Variants in HMCN2 observed in about 807,000 individuals in gnomAD.
HMCN2 encodes hemicentin-2.
Under a neutral mutation model 377.5 loss-of-function variants are expected in HMCN2, and 325 were observed. The observed-to-expected ratio is 0.86, with a 90% CI of 0.79 to 0.94. The LOEUF is 0.94. Among genes scored for constraint, HMCN2 ranks in the 40% least tolerant of loss-of-function variants. The pLI, the probability that HMCN2 is intolerant of heterozygous loss-of-function variation, is 0.00. For synonymous variants in HMCN2, 2,007 were observed against 2,046.8 expected (o/e 0.98, Z 0.53); for missense variants, 4,543 against 4,725.3 (o/e 0.96, Z 1.13).
chr9:130,385,025 CAGTGGAGCCTGTTTCAA>C (rs1841944789), intron 59 of HMCN2, among the ~76,000 whole-genome samples: 1 of 152,170 alleles, frequency 6.6e-6, no homozygotes, highest in East Asian at 1.9e-4. Context: ...GCCTGTTTCA[CAGTGGAGCCTGTTTCAA>C]GGCTCGTGGT....
chr9:130,268,992 TC>T (rs1327008648), intron 1 of HMCN2, among the ~76,000 whole-genome samples: 9 of 148,636 alleles, frequency 6.1e-5, no homozygotes, highest in African/African-American at 2.2e-4. Flanking sequence ...GCAAATAGAA[TC>T]CCCTTTGGTG....
intron 97 of HMCN2, 63 bp from the exon 98 acceptor site, chr9:130,433,285 G>A: frequency 7.7e-7 from 1 of 1,299,498 alleles, no homozygotes; most frequent in Non-Finnish European, 1.0e-6. Context: ...TGAGTTACGC[G>A]GATGGGCCAC....
chr9:130,365,523 C>T, intron 41 of HMCN2, 108 bp from the exon 42 acceptor site: 2 of 429,128 alleles, frequency 4.7e-6, no homozygotes, highest in Non-Finnish European at 6.2e-6. Flanking sequence ...AAGTGGGCAG[C>T]TTGGGGGCTC....
At chr9:130,392,735 C>A (rs192782778) in intron 66 of HMCN2, among the ~76,000 whole-genome samples, 1 of 142,222 alleles carries the variant, frequency 7.0e-6, no homozygotes, top group African/African-American at 2.7e-5. Context: ...CGGTGGCTCA[C>A]GCCTGTAATC....
At chr9:130,345,291 G>A (rs1453423209) in intron 25 of HMCN2, among the ~76,000 whole-genome samples, 4 of 146,246 alleles carry the variant, frequency 2.7e-5, no homozygotes, top group African/African-American at 7.7e-5. Context: ...TGGTGTGTAC[G>A]TGGTGTGTGG....
Position 130,352,195 on chromosome 9 carries a change from T to G in HMCN2, c.4585+618T>G, listed in dbSNP as rs757208513. 2.8e-4 allele frequency among the ~76,000 whole-genome samples: 42 copies of G among 152,252 alleles called. 1 individual carries two copies. Among genetic ancestry groups the G allele is most frequent in the Admixed American group, 5.2e-4 (8 of 15,288 alleles). ...ACACTTCCTTACACTGAAACACATT[T>G]ATTTAAATATCCCTTATTCTTATAA... is the stretch of plus-strand genomic sequence containing the variant. On this transcript the variant is annotated intron_variant, in intron 30 of 97. Coordinates refer to ENST00000683500, the MANE Select transcript of HMCN2 (RefSeq NM_001291815.2).
rs546532211 is a variant in HMCN2, at chr9:130,278,134, T to G, written c.260-6469T>G. On this transcript the variant is annotated intron_variant, in intron 1 of 97. Transcript: ENST00000683500. ...TTTGTTTGTTTGGTTGGTTGGTTGG[T>G]TTTTTTTTGAGACGCAGTCTCGCTC... 6.0e-5 allele frequency among the ~76,000 whole-genome samples: 9 copies of G among 149,590 alleles called. 1 individual carries two copies. The highest frequency in any genetic ancestry group is 4.6e-4 in the Admixed American group (7 of 15,096).
At chr9:130,275,238 G>T (rs1046171209) in intron 1 of HMCN2, among the ~76,000 whole-genome samples, 2 of 152,104 alleles carry the variant, frequency 1.3e-5, no homozygotes, top group African/African-American at 2.4e-5. Context: ...TTCTCCCTGG[G>T]TGTCTCTGGG....
chr9:130,287,462 T>G (rs1281721561), intron 4 of HMCN2, among the ~76,000 whole-genome samples: 2 of 149,150 alleles, frequency 1.3e-5, no homozygotes, highest in African/African-American at 5.0e-5. Context: ...TTAAGTCTCC[T>G]ATTGCTTGAA....
chr9:130,304,967 G>A lies in HMCN2; in HGVS notation c.1781G>A (p.Gly594Glu), dbSNP rs1554936160. 4.2e-6 allele frequency: 2 copies of A among 471,026 alleles called. No individual in the cohort carries two copies. Among genetic ancestry groups the A allele is most frequent in the Non-Finnish European group, 8.8e-6 (2 of 226,994 alleles). 29.2% of individuals were successfully genotyped at this position (471,026 alleles called of 1,614,324 possible). A position where few individuals can be genotyped will look rare whatever the true frequency, so the allele number is the denominator to read the frequency against. The part of the protein sequence containing the change: ...RYQCVASNAN[G>E]VTRASVWLLV... ...CAGTGTGTGGCCAGCAATGCCAATG[G>A]GGTCACAAGGGCATCCGTCTGGCTC... Residue 594 changes from glycine (G) to glutamate (E), a missense_variant, in exon 11 of 98, where the codon GGG becomes GAG. By Grantham distance (98) the Gly-to-Glu change is moderately conservative (BLOSUM62 -2). This residue lies in a region of HMCN2 where 547 missense variants were observed against 189.9 expected (regional missense o/e 2.88). Coordinates refer to ENST00000683500, the MANE Select transcript of HMCN2 (RefSeq NM_001291815.2). The surrounding 1 kb of genome is among the most constrained non-coding windows in gnomAD (Gnocchi z 4.3).
In HMCN2 at chr9:130,394,666, G is replaced by A; in HGVS notation, c.10692+91G>A. 9.4e-7 allele frequency: 1 copy of A among 1,067,430 alleles called. No homozygotes were observed. The highest frequency in any genetic ancestry group is 1.2e-6 in the Non-Finnish European group (1 of 818,434). The allele number at this position is 1,067,430 out of a possible 1,614,324, so 66.1% of individuals were successfully genotyped here. ...CCAGACCCAGTGGGCAGTTGACAAA[G>A]TTGGGCTGAAGCACCTCCTCTGTGT... On this transcript the variant is annotated intron_variant, in intron 69 of 97. Coordinates refer to ENST00000683500, the MANE Select transcript of HMCN2 (RefSeq NM_001291815.2). The surrounding 1 kb of genome is among the most constrained non-coding windows in gnomAD (Gnocchi z 5.1).
intron 25 of HMCN2, among the ~76,000 whole-genome samples, chr9:130,343,501 G>A (rs1490529168): frequency 1.3e-5 from 2 of 152,212 alleles, no homozygotes; most frequent in African/African-American, 4.8e-5. Context: ...ATCCCCAGGT[G>A]CAGAGCTGCC....
chr9:130,336,803 A>C (rs1250433734), intron 22 of HMCN2, among the ~76,000 whole-genome samples: 1 of 152,138 alleles, frequency 6.6e-6, no homozygotes, highest in Non-Finnish European at 1.5e-5. Context: ...TAATGACTGC[A>C]TGGCCCGCGC....
Position 130,425,067 on chromosome 9 carries a change from C to G in HMCN2, c.13578C>G (p.Leu4526=). Residue 4526 remains leucine, a synonymous_variant, in exon 89 of 98, where the codon CTC becomes CTG. Coordinates refer to ENST00000683500, the MANE Select transcript of HMCN2 (RefSeq NM_001291815.2). ...GTCTGGATCCCGATGGCCTCCTGCTCCTCGACGTGGTGGTCAATGGCGTTG... is the reference window on the plus strand; with the variant it reads ...GTCTGGATCCCGATGGCCTCCTGCTGCTCGACGTGGTGGTCAATGGCGTTG... ...ARGLDPDGLL[L]LDVVVNGVVP... is the part of the protein sequence containing the mutation. 15 of 1,550,202 alleles carry G rather than the reference C, an allele frequency of 9.7e-6. No homozygotes were observed. The highest frequency in any genetic ancestry group is 1.3e-5 in the Non-Finnish European group (15 of 1,146,890).
chr9:130,284,568 C>T, intron 1 of HMCN2, 35 bp from the exon 2 acceptor site: 1 of 471,042 alleles, frequency 2.1e-6, no homozygotes, highest in Middle Eastern at 3.2e-4. Context: ...CTAGGAGTCC[C>T]AGCCCATCTG....
intron 4 of HMCN2, among the ~76,000 whole-genome samples, chr9:130,292,091 G>A (rs1026270886): frequency 6.0e-5 from 9 of 151,108 alleles, no homozygotes; most frequent in African/African-American, 2.2e-4. Flanking sequence ...GATGAAGGCT[G>A]AACTTTTTGG....
chr9:130,334,043 G>A (rs1434864359), intron 22 of HMCN2, among the ~76,000 whole-genome samples: 1 of 152,348 alleles, frequency 6.6e-6, no homozygotes, highest in Non-Finnish European at 1.5e-5. Flanking sequence ...CCAGCCTGGG[G>A]CATCAAGTCA....
chr9:130,315,395 T>C lies in HMCN2; in HGVS notation c.2351-4100T>C, dbSNP rs1405738863. On this transcript the variant is annotated intron_variant, in intron 15 of 97. Coordinates refer to ENST00000683500, the MANE Select transcript of HMCN2 (RefSeq NM_001291815.2). ...CTCCCCTCCCTTCCTTTCCTTCCCC[T>C]CTCTTCCCTCTGTCCCTATGCACCA... 9.0e-5 allele frequency among the ~76,000 whole-genome samples: 7 copies of C among 77,634 alleles called. No homozygotes were observed. In the East Asian group the frequency reaches 1.9e-3, roughly 21 times the overall value. The allele number at this position is 77,634 out of a possible 152,430, so 50.9% of individuals were successfully genotyped here. A position where few individuals can be genotyped will look rare whatever the true frequency, so the allele number is the denominator to read the frequency against.
Position 130,430,466 on chromosome 9 carries a change from TG to T in HMCN2, c.14511del (p.Trp4837CysfsTer26). 6.4e-7 allele frequency: 1 copy of T among 1,550,576 alleles called. No homozygotes were observed. Among genetic ancestry groups the T allele is most frequent in the Non-Finnish European group, 8.7e-7 (1 of 1,146,972 alleles). ...CAGCCACCGAGGCCCTCTATTGCCC[TG>T]GCTGCGGCCCTGGGCCTCGATCCCC... ...TVSHRGPLLPWLRPWASIPGT... is the reference protein window; with the variant it reads ...TVSHRGPLLPXLRPWASIPGT... On this transcript the variant is annotated frameshift_variant, in exon 95 of 98. Coordinates refer to ENST00000683500, the MANE Select transcript of HMCN2 (RefSeq NM_001291815.2). LOFTEE classifies it high-confidence loss of function.
Sources: gnomAD v4.1 joint callset for allele counts (sites outside exome capture counted in the v4.1 genomes callset) on GRCh38, gnomAD v4.1.1 for gene constraint, gnomAD v4.1.1 regional missense constraint, Gnocchi (gnomAD v3.1) non-coding constraint, MANE v1.5 for transcripts, NCBI Gene and HGNC (gene_info 2026-07-23, HGNC 2026-07-21) for gene names.